SERPINF1: variants seen among roughly 807,000 people sequenced by gnomAD.
The protein encoded by SERPINF1 is pigment epithelium-derived factor.
In SERPINF1, 29 loss-of-function variants were observed where a neutral mutation model predicts 37.3. The observed-to-expected ratio is 0.78, with a 90% confidence interval of 0.58 to 1.06. SERPINF1 has a LOEUF of 1.06. SERPINF1 is among the 50% of genes least tolerant of loss of function. SERPINF1 has a pLI of 0.00. For missense variants in SERPINF1, 553 were observed against 532.2 expected (o/e 1.04, Z -0.38); for synonymous variants, 281 against 227.9 (o/e 1.23, Z -2.10).
chr17:1,771,827 TGTC>T (rs775552455), intron 4 of SERPINF1, 42 bp from the exon 5 acceptor site: 40 of 1,581,864 alleles, frequency 2.5e-5, no homozygotes, highest in Non-Finnish European at 1.0e-5. Context: ...ACGGGATGCT[TGTC>T]GTCGAGTCTC....
chr17:1,769,646 C>T (rs1203611984), intron 2 of SERPINF1: 3 of 613,278 alleles, frequency 4.9e-6, no homozygotes, highest in Non-Finnish European at 8.7e-6. Flanking sequence ...AACAGCTGAT[C>T]TCTCTTCTGC....
rs779855173 is a variant in SERPINF1 at position 1,771,165 on chromosome 17, C to T, written c.420C>T (p.Ser140=). 3.1e-6 allele frequency: 5 copies of T among 1,614,054 alleles called. No individual in the cohort carries two copies. In the East Asian group the frequency reaches 1.1e-4, roughly 36 times the overall value. The change falls in exon 4 of 8, where the codon TCC becomes TCT. Residue 140 remains serine (S), a synonymous_variant. Transcript: ENST00000254722. Reference sequence around the variant, plus strand: ...CCCAGAAGAACCTCAAGAGTGCCTCCCGGATCGTCTTTGAGAAGAGTGAGT... The same window carrying T: ...CCCAGAAGAACCTCAAGAGTGCCTCTCGGATCGTCTTTGAGAAGAGTGAGT... ...TAPQKNLKSA[S]RIVFEKKLRI...
At chr17:1,770,084 C>T in intron 3 of SERPINF1, 34 bp downstream of exon 3, 1 of 1,609,630 alleles carries the variant, frequency 6.2e-7, no homozygotes, top group Non-Finnish European at 8.5e-7. Context: ...CCCAGGCAGA[C>T]CTGGAGAGGC....
intron 5 of SERPINF1, among the ~76,000 whole-genome samples, chr17:1,772,690 C>T (rs1907823576): frequency 1.3e-5 from 2 of 152,106 alleles, no homozygotes; most frequent in Non-Finnish European, 2.9e-5. Flanking sequence ...TCCCGAGTAG[C>T]TGGGACTACA....
chr17:1,769,652 TCTG>T (rs1458574983), intron 2 of SERPINF1, 197 bp from the exon 3 acceptor site: 1 of 632,536 alleles, frequency 1.6e-6, no homozygotes, highest in Non-Finnish European at 2.8e-6. Flanking sequence ...TGATCTCTCT[TCTG>T]CGCTGTCTCT....
rs527724800 is a variant in SERPINF1 at position 1,771,184 on chromosome 17, A to C, written c.439A>C (p.Lys147Gln). Residue 147 changes from lysine to glutamine, a missense_variant and splice_region_variant, in exon 4 of 8, where the codon AAG becomes CAG. Physicochemically the swap from Lys to Gln is moderately conservative, Grantham distance 53. Coordinates refer to ENST00000254722, the MANE Select transcript of SERPINF1 (RefSeq NM_002615.7). Reference sequence around the variant, plus strand: ...TGCCTCCCGGATCGTCTTTGAGAAGAGTGAGTCGCCTTTGCAGCCCAAGTT... The same window carrying C: ...TGCCTCCCGGATCGTCTTTGAGAAGCGTGAGTCGCCTTTGCAGCCCAAGTT... ...KSASRIVFEK[K>Q]LRIKSSFVAP... The C allele has an allele frequency of 6.2e-7, 1 of 1,611,758 alleles. No individual in the cohort carries two copies. The highest frequency in any genetic ancestry group is 1.1e-5 in the South Asian group (1 of 90,998).
chr17:1,769,007 G>A (rs899364940), intron 2 of SERPINF1, among the ~76,000 whole-genome samples: 2 of 150,088 alleles, frequency 1.3e-5, no homozygotes, highest in Admixed American at 6.6e-5. Context: ...GGGTTTCACC[G>A]TGTTGCCCAG....
At chr17:1,766,142 T>C (rs1372541020) in intron 1 of SERPINF1, 1 of 152,202 alleles carries the variant, frequency 6.6e-6, no homozygotes, top group Non-Finnish European at 1.5e-5. Context: ...CAAAGTCTTA[T>C]CACCGGAGTG....
intron 5 of SERPINF1, among the ~76,000 whole-genome samples, chr17:1,772,417 TTTTTA>T (rs1373211693): frequency 6.6e-6 from 1 of 151,820 alleles, no homozygotes; most frequent in East Asian, 1.9e-4. Context: ...CGCCCAGCCC[TTTTTA>T]TTTTTAAATT....
In SERPINF1 at chr17:1,769,873, A is replaced by G. The variant is rs137999955; in HGVS notation, c.106A>G (p.Thr36Ala). ...CCAGGGCTCCCCAGACCCCGACAGC[A>G]CAGGGGCGCTGGTGGAGGAGGAGGA... ...PEEGSPDPDS[T>A]GALVEEEDPF... Residue 36 changes from threonine to alanine, a missense_variant, in exon 3 of 8, where the codon ACA becomes GCA. Coordinates refer to ENST00000254722, the MANE Select transcript of SERPINF1 (RefSeq NM_002615.7). 3 of 1,614,192 alleles carry G rather than the reference A, an allele frequency of 1.9e-6. No homozygotes were observed. The highest frequency in any genetic ancestry group is 2.5e-6 in the Non-Finnish European group (3 of 1,180,032).
intron 6 of SERPINF1, among the ~76,000 whole-genome samples, chr17:1,775,546 T>C (rs1034574941): frequency 1.1e-4 from 15 of 136,758 alleles, no homozygotes; most frequent in Non-Finnish European, 1.6e-4. Context: ...ATCGTTGGCA[T>C]CTTTTTTTTT....
intron 6 of SERPINF1, among the ~76,000 whole-genome samples, chr17:1,775,547 C>CTTT (rs148801713): frequency 0.019 from 2,674 of 142,944 alleles, 101 homozygotes; most frequent in African/African-American, 0.066. Flanking sequence ...TCGTTGGCAT[C>CTTT]TTTTTTTTTT....
intron 1 of SERPINF1, among the ~76,000 whole-genome samples, chr17:1,762,585 T>C (rs932555358): frequency 1.4e-4 from 21 of 152,186 alleles, no homozygotes; most frequent in Non-Finnish European, 2.6e-4. Context: ...CTGCTACTTT[T>C]TCAAAATCAG....
At chr17:1,773,612 A>C (rs1907868781) in intron 5 of SERPINF1, among the ~76,000 whole-genome samples, 1 of 152,226 alleles carries the variant, frequency 6.6e-6, no homozygotes, top group Admixed American at 6.5e-5. Flanking sequence ...CACATTTCAT[A>C]ACCTTTCTGG....
chr17:1,777,167 ATC>A lies in SERPINF1; in HGVS notation c.998-13_998-12del, dbSNP rs777987858. 3 of 1,613,830 alleles carry A rather than the reference ATC, an allele frequency of 1.9e-6. No homozygotes were observed. The highest frequency in any genetic ancestry group is 8.5e-7 in the Non-Finnish European group (1 of 1,180,016). On this transcript the variant is annotated intron_variant, in intron 7 of 7. Coordinates refer to ENST00000254722, the MANE Select transcript of SERPINF1 (RefSeq NM_002615.7). The stretch of plus-strand genomic sequence containing the variant: ...TGGGGAAGGCAGGGTTTTAACGGAA[ATC>A]TCTCTCCATCTCTACAGAGCTGCAA...
At position 1,777,240 on chromosome 17, in the gene SERPINF1, A is replaced by AT; in HGVS notation, c.1052dup (p.Lys352GlnfsTer12). 2 of 1,614,128 alleles carry AT rather than the reference A, an allele frequency of 1.2e-6. No individual in the cohort carries two copies. The highest frequency in any genetic ancestry group is 1.7e-6 in the Non-Finnish European group (2 of 1,180,032). ...CTTTAGCAAGATCACAGGCAAACCCATCAAGCTGACTCAGGTGGAACACCG... is the reference window on the plus strand; with the variant it reads ...CTTTAGCAAGATCACAGGCAAACCCATTCAAGCTGACTCAGGTGGAACACCG... On this transcript the variant is annotated frameshift_variant, in exon 8 of 8. Transcript: ENST00000254722. LOFTEE classifies it high-confidence loss of function.
chr17:1,770,102 G>A, intron 3 of SERPINF1, 52 bp downstream of exon 3: 1 of 1,594,720 alleles, frequency 6.3e-7, no homozygotes, highest in South Asian at 1.1e-5. Flanking sequence ...GGCCCCCTGT[G>A]GCCTCTGCGT....
chr17:1,775,028 G>A, intron 5 of SERPINF1, 30 bp from the exon 6 acceptor site: 2 of 1,613,984 alleles, frequency 1.2e-6, no homozygotes, highest in Non-Finnish European at 1.7e-6. Flanking sequence ...GTCTCCTGGG[G>A]CTCAGACTAT....
chr17:1,777,055 C>T, intron 7 of SERPINF1, 132 bp from the exon 8 acceptor site: 3 of 1,414,598 alleles, frequency 2.1e-6, no homozygotes, highest in South Asian at 2.4e-5. Context: ...CACCCTCGGT[C>T]AGCTCAGACC....
Sources: gnomAD v4.1 joint callset for allele counts (sites outside exome capture counted in the v4.1 genomes callset) on GRCh38, gnomAD v4.1.1 for gene constraint, MANE v1.5 for transcripts, NCBI Gene and HGNC (gene_info 2026-07-23, HGNC 2026-07-21) for gene names.